Variants in SGCZ observed in about 807,000 individuals in gnomAD.
The protein encoded by SGCZ is sarcoglycan zeta, also known as zeta-sarcoglycan.
In SGCZ, 40 loss-of-function variants were observed where a neutral mutation model predicts 41.3. That is an observed-to-expected ratio of 0.97 (90% CI 0.75 to 1.26). The LOEUF is 1.26. Among genes scored for constraint, SGCZ ranks in the 50% most tolerant of loss-of-function variants. The pLI, the probability that SGCZ is intolerant of heterozygous loss-of-function variation, is 0.00. For synonymous variants in SGCZ, 206 were observed against 137.5 expected (o/e 1.50, Z -3.49); for missense variants, 552 against 369.8 (o/e 1.49, Z -4.04).
intron 1 of SGCZ, among the ~76,000 whole-genome samples, chr8:14,573,299 G>T (rs1373030803): frequency 1.4e-5 from 2 of 144,656 alleles, no homozygotes; most frequent in African/African-American, 5.2e-5. Context: ...CCGGGTTCAA[G>T]CCGTTCTCCG....
intron 1 of SGCZ, among the ~76,000 whole-genome samples, chr8:14,763,720 A>G (rs1799956100): frequency 6.6e-6 from 1 of 152,212 alleles, no homozygotes; most frequent in African/African-American, 2.4e-5. Flanking sequence ...TCTATCTACA[A>G]TAAGTAACAG....
chr8:14,316,336 A>G (rs1304542166), intron 3 of SGCZ, among the ~76,000 whole-genome samples: 2 of 152,084 alleles, frequency 1.3e-5, no homozygotes, highest in East Asian at 1.9e-4. Context: ...ATGAACAAGG[A>G]AAGTTCATCT....
At chr8:14,257,639 C>G (rs1031001178) in intron 3 of SGCZ, among the ~76,000 whole-genome samples, 14 of 145,244 alleles carry the variant, frequency 9.6e-5, no homozygotes, top group African/African-American at 3.5e-4. Flanking sequence ...CTCCTCCCCC[C>G]GCCCTATGAC....
intron 1 of SGCZ, among the ~76,000 whole-genome samples, chr8:14,705,850 A>G (rs1809315491): frequency 6.6e-6 from 1 of 152,182 alleles, no homozygotes; most frequent in South Asian, 2.1e-4. Context: ...ATTGTAATCC[A>G]TTGTAACTTT....
chr8:14,311,444 G>T (rs115786545), intron 3 of SGCZ, among the ~76,000 whole-genome samples: 2 of 152,202 alleles, frequency 1.3e-5, no homozygotes, highest in South Asian at 2.1e-4. Context: ...TGCTGAGTCA[G>T]TTACATTTAC....
At chr8:14,464,484 GTA>G (rs1800991551) in intron 2 of SGCZ, among the ~76,000 whole-genome samples, 1 of 119,626 alleles carries the variant, frequency 8.4e-6, no homozygotes, top group Non-Finnish European at 1.8e-5. Context: ...AATTTGAGTG[GTA>G]TTTTTTTTTT....
At position 14,517,556 on chromosome 8, in the gene SGCZ, G is replaced by A. The variant is rs150722567; in HGVS notation, c.234+37176C>T. Among the ~76,000 whole-genome samples the A allele has an allele frequency of 9.5e-3, 1,437 of 152,040 alleles. 20 individuals carry two copies. The highest frequency in any genetic ancestry group is 0.033 in the African/African-American group (1,376 of 41,528). On this transcript the variant is annotated intron_variant, in intron 2 of 7. Transcript: ENST00000382080. Reference sequence around the variant, plus strand: ...TCTATGTTTGCAAGAATGTGCTTTAGTTTTCTTATATGCCAGATAAATTAA... The same window carrying A: ...TCTATGTTTGCAAGAATGTGCTTTAATTTTCTTATATGCCAGATAAATTAA...
At chr8:15,082,424 G>A (rs1585544411) in intron 1 of SGCZ, among the ~76,000 whole-genome samples, 1 of 124,312 alleles carries the variant, frequency 8.0e-6, no homozygotes, top group Non-Finnish European at 1.8e-5. Context: ...ACATATATAT[G>A]TGTGTGTGTA....
intron 1 of SGCZ, among the ~76,000 whole-genome samples, chr8:15,061,611 G>A (rs1804936585): frequency 6.6e-6 from 1 of 151,538 alleles, no homozygotes; most frequent in African/African-American, 2.4e-5. Flanking sequence ...CTGCTCTTCT[G>A]TTGAGAACTC....
At chr8:14,232,400 GA>G (rs1353552676) in intron 4 of SGCZ, among the ~76,000 whole-genome samples, 2 of 151,850 alleles carry the variant, frequency 1.3e-5, no homozygotes, top group Non-Finnish European at 2.9e-5. Flanking sequence ...TGTAAAATAT[GA>G]AAAAGGAAAC....
intron 1 of SGCZ, among the ~76,000 whole-genome samples, chr8:14,895,013 C>T (rs965618717): frequency 6.6e-6 from 1 of 152,030 alleles, no homozygotes; most frequent in South Asian, 2.1e-4. Flanking sequence ...TTTGGGGGTC[C>T]AGGGTAATAA....
intron 1 of SGCZ, among the ~76,000 whole-genome samples, chr8:15,123,233 A>C (rs533719284): frequency 5.1e-4 from 78 of 152,306 alleles, no homozygotes; most frequent in Middle Eastern, 6.8e-3. Context: ...TTCAAAATAA[A>C]ACAACCAGTG....
rs111533329 is a variant in SGCZ, at chr8:15,143,029, G to C, written c.39+94556C>G. ...GACGTACTGTCCTAGAGTATTTCAT[G>C]ACAATTTCTTTTCCTTTCCAAGGTA... is the stretch of plus-strand genomic sequence containing the variant. On this transcript the variant is annotated intron_variant, in intron 1 of 7. Coordinates refer to ENST00000382080, the MANE Select transcript of SGCZ (RefSeq NM_139167.4). 3.1e-4 allele frequency among the ~76,000 whole-genome samples: 47 copies of C among 152,278 alleles called. 1 individual carries two copies. Among genetic ancestry groups the C allele is most frequent in the African/African-American group, 1.0e-3 (43 of 41,560 alleles).
At chr8:14,534,748 C>A (rs531091968) in intron 2 of SGCZ, among the ~76,000 whole-genome samples, 1 of 151,970 alleles carries the variant, frequency 6.6e-6, no homozygotes, top group South Asian at 2.1e-4. Flanking sequence ...AAAGAAAGTA[C>A]AACTTTTATG....
At chr8:14,759,519 C>G (rs1391338829) in intron 1 of SGCZ, among the ~76,000 whole-genome samples, 3 of 152,036 alleles carry the variant, frequency 2.0e-5, no homozygotes, top group Non-Finnish European at 4.4e-5. Context: ...ATTAAAAGTT[C>G]ACAGAATGCT....
At chr8:14,842,101 T>G (rs1563308575) in intron 1 of SGCZ, among the ~76,000 whole-genome samples, 1 of 152,096 alleles carries the variant, frequency 6.6e-6, no homozygotes, top group African/African-American at 2.4e-5. Context: ...AACAGAAACT[T>G]TAATGATAAA....
chr8:15,061,403 G>A (rs758059265), intron 1 of SGCZ, among the ~76,000 whole-genome samples: 1 of 151,862 alleles, frequency 6.6e-6, no homozygotes, highest in African/African-American at 2.4e-5. Flanking sequence ...GCTAAGGAAG[G>A]GATAGCACTA....
chr8:14,237,912 G>A (rs1563203959), intron 3 of SGCZ, among the ~76,000 whole-genome samples: 1 of 152,136 alleles, frequency 6.6e-6, no homozygotes. Context: ...TCAGATGCAA[G>A]CATTTCCAAC....
chr8:14,681,937 T>G (rs1395403929), intron 1 of SGCZ, among the ~76,000 whole-genome samples: 1 of 151,958 alleles, frequency 6.6e-6, no homozygotes, highest in African/African-American at 2.4e-5. Flanking sequence ...TTCCATATAT[T>G]TTAATATTAA....
Sources: gnomAD v4.1 joint callset for allele counts (sites outside exome capture counted in the v4.1 genomes callset) on GRCh38, gnomAD v4.1.1 for gene constraint, MANE v1.5 for transcripts, NCBI Gene and HGNC (gene_info 2026-07-23, HGNC 2026-07-21) for gene names.